APBA2: variants seen among roughly 807,000 people sequenced by gnomAD.
APBA2 encodes amyloid beta precursor protein binding family A member 2, also known as amyloid-beta A4 precursor protein-binding family A member 2.
Under a neutral mutation model 75.0 loss-of-function variants are expected in APBA2, and 30 were observed. The ratio of observed to expected loss-of-function variants is 0.40; its 90% CI spans 0.30 to 0.54. The LOEUF is 0.54. APBA2 is among the 20% of genes least tolerant of loss of function. APBA2 has a pLI of 0.49. For synonymous variants in APBA2, 444 were observed against 409.6 expected (o/e 1.08, Z -1.01); for missense variants, 801 against 1,016.1 (o/e 0.79, Z 2.88).
Position 28,991,179 on chromosome 15 carries a change from G to A in APBA2, c.-94-4574G>A, listed in dbSNP as rs1360727668. On this transcript the variant is annotated intron_variant, in intron 2 of 14. Transcript: ENST00000683413. The surrounding 1 kb of genome is among the most constrained non-coding windows in gnomAD (Gnocchi z 4.7). ...GTATCCACCCCAAGGGCCCTCCTCT[G>A]CCTGTCTCAGCACCATCTCTGTGTG... 6.6e-6 allele frequency among the ~76,000 whole-genome samples: 1 copy of A among 152,130 alleles called. No homozygotes were observed. Among genetic ancestry groups the A allele is most frequent in the Non-Finnish European group, 1.5e-5 (1 of 68,026 alleles).
At chr15:28,913,784 C>T (rs1415864727) in intron 1 of APBA2, among the ~76,000 whole-genome samples, 4 of 152,180 alleles carry the variant, frequency 2.6e-5, no homozygotes, top group South Asian at 2.1e-4. Flanking sequence ...TTACAGTCAC[C>T]GAGTTTCTTT....
At chr15:28,935,735 C>T (rs992028330) in intron 2 of APBA2, among the ~76,000 whole-genome samples, 3 of 152,224 alleles carry the variant, frequency 2.0e-5, no homozygotes, top group Admixed American at 6.5e-5. Context: ...GCTGAGGTTA[C>T]AGGAAGGGAG....
At position 29,101,624 on chromosome 15, in the gene APBA2, G is replaced by A. The variant is rs142481200; in HGVS notation, c.1364G>A (p.Arg455His). The A allele has an allele frequency of 1.2e-5, 20 of 1,613,416 alleles. No homozygotes were observed. The highest frequency in any genetic ancestry group is 5.3e-5 in the African/African-American group (4 of 74,928). The change falls in exon 10 of 15, where the codon CGT becomes CAT. Residue 455 changes from arginine to histidine, a missense_variant. Transcript: ENST00000683413. Reference sequence around the variant, plus strand: ...GAAACCATGATGGACCACGCCTTGCGTACCATCTCCTACATCGCCGACATT... The same window carrying A: ...GAAACCATGATGGACCACGCCTTGCATACCATCTCCTACATCGCCGACATT... ...TQETMMDHAL[R>H]TISYIADIGN...
intron 1 of APBA2, among the ~76,000 whole-genome samples, chr15:28,889,266 T>C (rs139866093): frequency 0.44 from 66,565 of 152,066 alleles, 14,899 homozygotes; most frequent in Non-Finnish European, 0.47. Context: ...AAGGGAGCCC[T>C]GGGAGGTAGG....
intron 13 of APBA2, among the ~76,000 whole-genome samples, chr15:29,109,974 CGCCAGCTGGTGGTCTG>C: frequency 6.6e-6 from 1 of 152,206 alleles, no homozygotes; most frequent in Non-Finnish European, 1.5e-5. Flanking sequence ...CGCAGGAGCT[CGCCAGCTGGTGGTCTG>C]GCCTGGTCCG....
intron 3 of APBA2, among the ~76,000 whole-genome samples, chr15:29,037,290 A>G: frequency 6.6e-6 from 1 of 152,134 alleles, no homozygotes; most frequent in Non-Finnish European, 1.5e-5. Context: ...TCCAAAGCAC[A>G]CTTAAATATG....
intron 1 of APBA2, among the ~76,000 whole-genome samples, chr15:28,912,779 T>G (rs2033491781): frequency 6.6e-6 from 1 of 152,240 alleles, no homozygotes; most frequent in African/African-American, 2.4e-5. Flanking sequence ...TGATTTTGAT[T>G]ATTTTGTTCT....
At chr15:29,038,665 ATT>A (rs67217686) in intron 3 of APBA2, among the ~76,000 whole-genome samples, 3,557 of 105,186 alleles carry the variant, frequency 0.034, 67 homozygotes, top group East Asian at 0.19. Flanking sequence ...ATATGCAGGC[ATT>A]TTTTTTTTTT....
At chr15:28,964,912 A>T (rs1466981479) in intron 2 of APBA2, among the ~76,000 whole-genome samples, 1 of 151,376 alleles carries the variant, frequency 6.6e-6, no homozygotes, top group Non-Finnish European at 1.5e-5. Flanking sequence ...CCAGAGTATA[A>T]TTTTTTTTTC....
chr15:29,063,127 G>A (rs112274546), intron 4 of APBA2, among the ~76,000 whole-genome samples: 1 of 119,892 alleles, frequency 8.3e-6, no homozygotes, highest in Admixed American at 7.8e-5. Context: ...CTGTATGGGT[G>A]GGGAGGGGAG....
Position 29,105,493 on chromosome 15 carries a change from A to G in APBA2, c.1639A>G (p.Ile547Val), listed in dbSNP as rs375106382. 1.2e-6 allele frequency: 2 copies of G among 1,614,000 alleles called. No individual in the cohort carries two copies. Among genetic ancestry groups the G allele is most frequent in the South Asian group, 1.1e-5 (1 of 91,084 alleles). Residue 547 changes from isoleucine to valine, a missense_variant, in exon 11 of 15, where the codon ATC (isoleucine) becomes GTC (valine). This residue lies in a region of APBA2 where 367 missense variants were observed against 544.5 expected (regional missense o/e 0.67). Coordinates refer to ENST00000683413, the MANE Select transcript of APBA2 (RefSeq NM_001353788.2). ...GAGCCAGAAGGAATACAGCGACATC[A>G]TCAACACCCAGGAGATGTACAACGA... ...DLSQKEYSDI[I>V]NTQEMYNDDL...
chr15:28,968,631 C>G (rs898473795), intron 2 of APBA2, among the ~76,000 whole-genome samples: 1 of 152,130 alleles, frequency 6.6e-6, no homozygotes, highest in Non-Finnish European at 1.5e-5. Context: ...GCTCAATGCC[C>G]CTGTTTTGGG....
intron 3 of APBA2, among the ~76,000 whole-genome samples, chr15:29,053,096 G>C (rs1280997074): frequency 6.6e-6 from 1 of 152,156 alleles, no homozygotes; most frequent in Admixed American, 6.5e-5. Flanking sequence ...CTGGGCACTG[G>C]GTCCAGGCCC....
At chr15:28,915,104 C>CCATGTAT (rs1595446815) in intron 1 of APBA2, among the ~76,000 whole-genome samples, 5 of 86,780 alleles carry the variant, frequency 5.8e-5, no homozygotes, top group Admixed American at 1.2e-4. Context: ...ATACCATACC[C>CCATGTAT]ACCTCACACA....
At chr15:28,976,233 G>A (rs1159751244) in intron 2 of APBA2, among the ~76,000 whole-genome samples, 1 of 152,220 alleles carries the variant, frequency 6.6e-6, no homozygotes, top group Non-Finnish European at 1.5e-5. Context: ...AGTCTGAAGA[G>A]CAGCTTGGGG....
At chr15:28,954,173 G>A (rs975983265) in intron 2 of APBA2, among the ~76,000 whole-genome samples, 7 of 152,136 alleles carry the variant, frequency 4.6e-5, no homozygotes, top group South Asian at 2.1e-4. Context: ...CACCGCTGCC[G>A]TGCGATGAGA....
intron 3 of APBA2, among the ~76,000 whole-genome samples, chr15:29,048,572 A>AT (rs2041451935): frequency 1.3e-5 from 2 of 152,162 alleles, no homozygotes; most frequent in Non-Finnish European, 2.9e-5. Flanking sequence ...ATGGCATGGT[A>AT]CTGTTGCTGG....
intron 13 of APBA2, 70 bp downstream of exon 13, chr15:29,108,459 C>G: frequency 6.2e-7 from 1 of 1,610,402 alleles, no homozygotes; most frequent in East Asian, 2.2e-5. Flanking sequence ...CAGCTCCCGT[C>G]CAATGGGGCA....
chr15:28,994,170 C>G (rs895753333), intron 2 of APBA2, among the ~76,000 whole-genome samples: 1 of 152,172 alleles, frequency 6.6e-6, no homozygotes, highest in Non-Finnish European at 1.5e-5. Context: ...AGGCAACATT[C>G]TAGAGGTTCC....
Sources: allele counts gnomAD v4.1 joint callset (sites outside exome capture counted in the v4.1 genomes callset), GRCh38; gene constraint gnomAD v4.1.1; regional missense constraint gnomAD v4.1.1; non-coding constraint Gnocchi (gnomAD v3.1); transcripts MANE v1.5; gene names NCBI Gene and HGNC (gene_info 2026-07-23, HGNC 2026-07-21).